TMEM97: variants seen among roughly 807,000 people sequenced by gnomAD.
TMEM97 encodes the protein sigma intracellular receptor 2.
In TMEM97, 13 loss-of-function variants were observed where a neutral mutation model predicts 18.3. The ratio of observed to expected loss-of-function variants is 0.71; its 90% CI spans 0.46 to 1.13. The LOEUF (loss-of-function observed/expected upper bound fraction) is 1.13, where lower values mean the gene tolerates loss of function less well. Among genes scored for constraint, TMEM97 ranks in the 50% most tolerant of loss-of-function variants. TMEM97 has a pLI of 0.00. For synonymous variants in TMEM97, 76 were observed against 85.3 expected (o/e 0.89, Z 0.60); for missense variants, 205 against 210.5 (o/e 0.97, Z 0.16).
At chr17:28,325,385 G>C in intron 1 of TMEM97, 118 bp from the exon 2 acceptor site, 1 of 1,325,450 alleles carries the variant, frequency 7.5e-7, no homozygotes, top group Non-Finnish European at 1.0e-6. Flanking sequence ...ATCTGCTGCC[G>C]GGGTAGTGGG....
intron 1 of TMEM97, 95 bp downstream of exon 1, chr17:28,319,460 C>G: frequency 7.2e-7 from 1 of 1,395,470 alleles, no homozygotes; most frequent in South Asian, 1.5e-5. Context: ...ACTCTGGGTT[C>G]CAGTTGCCTC....
intron 2 of TMEM97, 87 bp downstream of exon 2, chr17:28,325,734 T>A: frequency 6.4e-7 from 1 of 1,561,422 alleles, no homozygotes; most frequent in South Asian, 1.2e-5. Flanking sequence ...GGGAAGGGGA[T>A]GGTCCCCATA....
At chr17:28,321,800 CTGTG>C (rs538038865) in intron 1 of TMEM97, among the ~76,000 whole-genome samples, 1,676 of 132,270 alleles carry the variant, frequency 0.013, 10 homozygotes, top group East Asian at 0.045. Flanking sequence ...TGGCCAGAAC[CTGTG>C]TGTGTGTGTG....
rs1040324533 is a variant in TMEM97 at position 28,328,491 on chromosome 17, C to T, written c.*1698C>T. On this transcript the variant is annotated 3_prime_UTR_variant, in exon 3 of 3. Transcript: ENST00000226230. ...TGTGCACTGATGTTAAAACTGGCTCCCCCAGACTTGTAGTGCTGTCTTCAG... is the reference window on the plus strand; with the variant it reads ...TGTGCACTGATGTTAAAACTGGCTCTCCCAGACTTGTAGTGCTGTCTTCAG... 2 of 640,482 alleles carry T rather than the reference C, an allele frequency of 3.1e-6. No individual in the cohort carries two copies. Among genetic ancestry groups the T allele is most frequent in the Non-Finnish European group, 5.6e-6 (2 of 357,126 alleles). 39.7% of individuals were successfully genotyped at this position (640,482 alleles called of 1,614,324 possible). A position where few individuals can be genotyped will look rare whatever the true frequency, so the allele number is the denominator to read the frequency against.
intron 1 of TMEM97, among the ~76,000 whole-genome samples, chr17:28,319,898 T>C (rs1446743250): frequency 6.6e-6 from 1 of 152,184 alleles, no homozygotes; most frequent in African/African-American, 2.4e-5. Flanking sequence ...CAGGAGTAAA[T>C]TGCCATCTTT....
intron 1 of TMEM97, among the ~76,000 whole-genome samples, chr17:28,320,984 C>T (rs74256937): frequency 0.095 from 14,388 of 152,208 alleles, 788 homozygotes; most frequent in East Asian, 0.23. Flanking sequence ...CTGCAAAGTC[C>T]CTTTTGCCAA....
chr17:28,324,932 A>C (rs532124352), intron 1 of TMEM97, among the ~76,000 whole-genome samples: 3 of 152,224 alleles, frequency 2.0e-5, no homozygotes, highest in Admixed American at 6.5e-5. Flanking sequence ...ATCGCCACAG[A>C]GGTTAGATTT....
chr17:28,327,076 C>A lies in TMEM97; in HGVS notation c.*283C>A, dbSNP rs1906383659. ...CGCCTCCTGGGCTCAAGCCATCTTC[C>A]TTAGCCTCCCAAGTAGCTAGAACTA... is the stretch of plus-strand genomic sequence containing the variant. On this transcript the variant is annotated 3_prime_UTR_variant, in exon 3 of 3. Transcript: ENST00000226230. The A allele has an allele frequency of 1.3e-5, 5 of 398,974 alleles. No homozygotes were observed. In the South Asian group the frequency reaches 1.5e-4, roughly 12 times the overall value. 24.7% of individuals were successfully genotyped at this position (398,974 alleles called of 1,614,324 possible). A position where few individuals can be genotyped will look rare whatever the true frequency, so the allele number is the denominator to read the frequency against.
rs1322799231 is a variant in TMEM97 at position 28,319,449 on chromosome 17, C to T, written c.126+84C>T. 10 of 1,427,082 alleles carry T rather than the reference C, an allele frequency of 7.0e-6. No homozygotes were observed. The African/African-American group carries it at 8.9e-5, about 13-fold the overall frequency. 88.4% of individuals were successfully genotyped at this position (1,427,082 alleles called of 1,614,324 possible). ...GGCCTTCACCTCCTCCGCGCTCGCG[C>T]ACTCTGGGTTCCAGTTGCCTCTCTC... On this transcript the variant is annotated intron_variant, in intron 1 of 2. Coordinates refer to ENST00000226230, the MANE Select transcript of TMEM97 (RefSeq NM_014573.3).
At position 28,327,582 on chromosome 17, in the gene TMEM97, G is replaced by A. The variant is rs145926849; in HGVS notation, c.*789G>A. On this transcript the variant is annotated 3_prime_UTR_variant, in exon 3 of 3. Transcript: ENST00000226230. ...TGGGCCATTTTAAATGTGAAATTTT[G>A]CCTCTTTAATGTTAATTCAAAACTA... 6.6e-6 allele frequency: 1 copy of A among 152,254 alleles called. No homozygotes were observed. Among genetic ancestry groups the A allele is most frequent in the African/African-American group, 2.4e-5 (1 of 41,538 alleles). The allele number at this position is 152,254 out of a possible 1,614,324, so 9.4% of individuals were successfully genotyped here. A position where few individuals can be genotyped will look rare whatever the true frequency, so the allele number is the denominator to read the frequency against.
In TMEM97 at chr17:28,319,272, G is replaced by A. The variant is rs1906035239; in HGVS notation, c.33G>A (p.Glu11=). MGAPATRRCV[E]WLLGLYFLSH... is the part of the protein sequence containing the mutation. ...CTCCGGCAACCAGGCGCTGCGTGGAGTGGCTGCTGGGCCTCTACTTCCTCA... is the reference window on the plus strand; with the variant it reads ...CTCCGGCAACCAGGCGCTGCGTGGAATGGCTGCTGGGCCTCTACTTCCTCA... Residue 11 remains glutamate (E), a synonymous_variant, in exon 1 of 3, where the codon GAG becomes GAA. Coordinates refer to ENST00000226230, the MANE Select transcript of TMEM97 (RefSeq NM_014573.3). 5.6e-6 allele frequency: 9 copies of A among 1,610,068 alleles called. No homozygotes were observed. The highest frequency in any genetic ancestry group is 7.6e-6 in the Non-Finnish European group (9 of 1,178,356).
chr17:28,325,682 A>G, intron 2 of TMEM97, 35 bp downstream of exon 2: 2 of 1,613,198 alleles, frequency 1.2e-6, no homozygotes, highest in Non-Finnish European at 1.7e-6. Flanking sequence ...ATTTTTACTC[A>G]GAAATCAGGT....
rs1361820901 is a variant in TMEM97 at position 28,327,572 on chromosome 17, G to A, written c.*779G>A. The A allele has an allele frequency of 3.3e-5, 5 of 152,190 alleles. No homozygotes were observed. Among genetic ancestry groups the A allele is most frequent in the Admixed American group, 3.3e-4 (5 of 15,274 alleles). 9.4% of individuals were successfully genotyped at this position (152,190 alleles called of 1,614,324 possible). A position where few individuals can be genotyped will look rare whatever the true frequency, so the allele number is the denominator to read the frequency against. ...TGGGATATTTTGGGCCATTTTAAAT[G>A]TGAAATTTTGCCTCTTTAATGTTAA... On this transcript the variant is annotated 3_prime_UTR_variant, in exon 3 of 3. Transcript: ENST00000226230.
Position 28,319,436 on chromosome 17 carries a change from C to T in TMEM97, c.126+71C>T, listed in dbSNP as rs559269311. The T allele has an allele frequency of 1.5e-5, 22 of 1,455,538 alleles. No homozygotes were observed. In the African/African-American group the frequency reaches 3.1e-4, roughly 20 times the overall value. 90.2% of individuals were successfully genotyped at this position (1,455,538 alleles called of 1,614,324 possible). ...GCTGCGTCCACAGGGCCTTCACCTC[C>T]TCCGCGCTCGCGCACTCTGGGTTCC... On this transcript the variant is annotated intron_variant, in intron 1 of 2. Coordinates refer to ENST00000226230, the MANE Select transcript of TMEM97 (RefSeq NM_014573.3).
chr17:28,326,976 T>A lies in TMEM97; in HGVS notation c.*183T>A. On this transcript the variant is annotated 3_prime_UTR_variant, in exon 3 of 3. Transcript: ENST00000226230. Reference sequence around the variant, plus strand: ...CTCACCTTCTTCCATTTTTTTTTTTTTTTTAAGACAGTCTCACTCTGTTGC... The same window carrying A: ...CTCACCTTCTTCCATTTTTTTTTTTATTTTAAGACAGTCTCACTCTGTTGC... The A allele has an allele frequency of 1.3e-6, 1 of 768,884 alleles. No homozygotes were observed. The highest frequency in any genetic ancestry group is 2.0e-6 in the Non-Finnish European group (1 of 493,888). 47.6% of individuals were successfully genotyped at this position (768,884 alleles called of 1,614,324 possible). A position where few individuals can be genotyped will look rare whatever the true frequency, so the allele number is the denominator to read the frequency against.
At chr17:28,322,910 C>T (rs1380032884) in intron 1 of TMEM97, among the ~76,000 whole-genome samples, 2 of 152,098 alleles carry the variant, frequency 1.3e-5, no homozygotes, top group East Asian at 1.9e-4. Flanking sequence ...TCGTGAGCTG[C>T]GATTTTAATG....
At chr17:28,322,672 G>A (rs782554485) in intron 1 of TMEM97, among the ~76,000 whole-genome samples, 5 of 152,176 alleles carry the variant, frequency 3.3e-5, no homozygotes, top group Non-Finnish European at 5.9e-5. Flanking sequence ...TAAAAATAAG[G>A]AAAAACAAGT....
At chr17:28,320,282 G>T (rs1222100510) in intron 1 of TMEM97, among the ~76,000 whole-genome samples, 1 of 152,184 alleles carries the variant, frequency 6.6e-6, no homozygotes, top group African/African-American at 2.4e-5. Context: ...AAAAATGGGT[G>T]CAAGTGTGTG....
chr17:28,328,574 G>T lies in TMEM97; in HGVS notation c.*1781G>T. On this transcript the variant is annotated 3_prime_UTR_variant, in exon 3 of 3. Transcript: ENST00000226230. Reference sequence around the variant, plus strand: ...ACATAGGTCATTGGTCAAGCCGCTGGAATGCTACAGAGGTTTTTTTGGTTT... The same window carrying T: ...ACATAGGTCATTGGTCAAGCCGCTGTAATGCTACAGAGGTTTTTTTGGTTT... The T allele has an allele frequency of 1.2e-6, 1 of 869,294 alleles. No homozygotes were observed. Among genetic ancestry groups the T allele is most frequent in the Non-Finnish European group, 1.8e-6 (1 of 541,956 alleles). The allele number at this position is 869,294 out of a possible 1,614,324, so 53.8% of individuals were successfully genotyped here.
Sources: gnomAD v4.1 joint callset for allele counts (sites outside exome capture counted in the v4.1 genomes callset) on GRCh38, gnomAD v4.1.1 for gene constraint, MANE v1.5 for transcripts, NCBI Gene and HGNC (gene_info 2026-07-23, HGNC 2026-07-21) for gene names.